Variants in ZNF160 observed in about 807,000 individuals in gnomAD.
ZNF160 encodes zinc finger protein 160.
A neutral mutation model predicts 13.1 loss-of-function variants in ZNF160; 9 were observed. The ratio of observed to expected loss-of-function variants is 0.69; its 90% CI spans 0.41 to 1.20. The LOEUF (loss-of-function observed/expected upper bound fraction) is 1.20, where lower values mean the gene tolerates loss of function less well. ZNF160 is among the 50% of genes most tolerant of loss of function. The probability of loss-of-function intolerance (pLI) is 0.01; values close to 1 mark genes in which losing one functional copy is unlikely to be tolerated. For missense variants in ZNF160, 838 were observed against 988.0 expected (o/e 0.85, Z 2.04); for synonymous variants, 293 against 333.2 (o/e 0.88, Z 1.31).
chr19:53,083,570 T>C (rs1600861182), intron 3 of ZNF160, among the ~76,000 whole-genome samples: 1 of 152,176 alleles, frequency 6.6e-6, no homozygotes, highest in Admixed American at 6.5e-5. Context: ...AGTAGAATAA[T>C]GTGTAATCGA....
intron 2 of ZNF160, among the ~76,000 whole-genome samples, chr19:53,088,055 TG>T (rs1322474225): frequency 6.6e-6 from 1 of 151,642 alleles, no homozygotes; most frequent in East Asian, 1.9e-4. Flanking sequence ...CAAGAAGAGG[TG>T]TAAGGACTGA....
chr19:53,088,265 C>A (rs999962819), intron 2 of ZNF160, among the ~76,000 whole-genome samples: 1 of 152,134 alleles, frequency 6.6e-6, no homozygotes, highest in African/African-American at 2.4e-5. Flanking sequence ...GAGGACAGGA[C>A]ATGAATTACG....
chr19:53,078,913 TAAGTG>T (rs1426143297), intron 3 of ZNF160, among the ~76,000 whole-genome samples: 1 of 151,644 alleles, frequency 6.6e-6, no homozygotes, highest in Admixed American at 6.6e-5. Context: ...CAATTCCAAA[TAAGTG>T]AAGAAGAGGA....
chr19:53,094,013 T>C (rs1184434538), intron 1 of ZNF160, among the ~76,000 whole-genome samples: 1 of 152,170 alleles, frequency 6.6e-6, no homozygotes, highest in Non-Finnish European at 1.5e-5. Context: ...GTGATGCACA[T>C]GCTCCAATGA....
chr19:53,073,243 G>A, intron 5 of ZNF160: 2 of 1,471,710 alleles, frequency 1.4e-6, no homozygotes, highest in South Asian at 2.8e-5. Context: ...CTGTGCTGAA[G>A]CCTGGAAAAA....
At chr19:53,085,962 C>G in intron 3 of ZNF160, 1 of 1,232,432 alleles carries the variant, frequency 8.1e-7, no homozygotes, top group South Asian at 1.3e-5. Context: ...CCAGATGCGG[C>G]CCCTGAGCAA....
intron 2 of ZNF160, among the ~76,000 whole-genome samples, chr19:53,090,044 G>C (rs1308385623): frequency 1.4e-5 from 2 of 142,250 alleles, no homozygotes; most frequent in Admixed American, 7.2e-5. Context: ...CTCCCCCTCT[G>C]CTCCCCCTAT....
In ZNF160 at chr19:53,069,586, A is replaced by G. The variant is rs1212389621; in HGVS notation, c.948T>C (p.His316=). Residue 316 remains histidine, a synonymous_variant, in exon 6 of 6, where the codon CAT becomes CAC. Coordinates refer to ENST00000683776, the MANE Select transcript of ZNF160 (RefSeq NM_001322131.2). This position sits in a 1 kb window ranked among gnomAD's most constrained non-coding sequence, Gnocchi z 4.4. ...TGTGCCTGAAGACCTTGCCACACTC[A>G]TGACATTTGTAAGGTTTTTCTCCAG... ...IHTGEKPYKC[H]ECGKVFRHNS... is the part of the protein sequence containing the mutation. 1.9e-6 allele frequency: 3 copies of G among 1,614,186 alleles called. No individual in the cohort carries two copies. Among genetic ancestry groups the G allele is most frequent in the East Asian group, 2.2e-5 (1 of 44,888 alleles).
In ZNF160 at chr19:53,068,575, C is replaced by T. The variant is rs763336749; in HGVS notation, c.1959G>A (p.Glu653=). The T allele has an allele frequency of 1.9e-6, 3 of 1,614,172 alleles. No homozygotes were observed. The highest frequency in any genetic ancestry group is 1.1e-5 in the South Asian group (1 of 91,088). The part of the protein sequence containing the change: ...HTGEKPYKCN[E]CGKAFSMHSN... ...AATGCATACTAAAGGCTTTCCCACA[C>T]TCATTACACTTGTAAGGTTTCTCTC... Residue 653 remains glutamate (E), a synonymous_variant, in exon 6 of 6, where the codon GAG becomes GAA. Transcript: ENST00000683776.
intron 3 of ZNF160, among the ~76,000 whole-genome samples, chr19:53,083,558 A>C (rs990313657): frequency 4.6e-5 from 7 of 152,234 alleles, no homozygotes; most frequent in African/African-American, 1.7e-4. Flanking sequence ...GATTATTTTT[A>C]CAGTAGAATA....
intron 3 of ZNF160, chr19:53,075,577 T>C: frequency 8.5e-6 from 3 of 354,176 alleles, no homozygotes; most frequent in Non-Finnish European, 1.7e-5. Context: ...ATGCCAATAA[T>C]GGAAGCAAGG....
chr19:53,088,947 C>G (rs1460127076), intron 2 of ZNF160, among the ~76,000 whole-genome samples: 1 of 152,230 alleles, frequency 6.6e-6, no homozygotes, highest in African/African-American at 2.4e-5. Flanking sequence ...GGTCAATGTG[C>G]TTCCCTAACA....
chr19:53,078,350 C>T (rs572454130), intron 3 of ZNF160, among the ~76,000 whole-genome samples: 1 of 152,154 alleles, frequency 6.6e-6, no homozygotes, highest in South Asian at 2.1e-4. Flanking sequence ...GTTGAAGGTA[C>T]AGTAAGCTAT....
chr19:53,092,335 G>C (rs553502677), intron 1 of ZNF160, among the ~76,000 whole-genome samples: 2 of 151,884 alleles, frequency 1.3e-5, no homozygotes, highest in South Asian at 2.1e-4. Context: ...TTTTGAGACA[G>C]AGTCTCCCTC....
At chr19:53,078,941 C>A (rs1049812973) in intron 3 of ZNF160, among the ~76,000 whole-genome samples, 11 of 152,136 alleles carry the variant, frequency 7.2e-5, no homozygotes, top group African/African-American at 2.6e-4. Flanking sequence ...CAACAAAAAA[C>A]AATTGTATGA....
chr19:53,072,045 A>C (rs371039352), intron 5 of ZNF160, among the ~76,000 whole-genome samples: 4 of 152,152 alleles, frequency 2.6e-5, no homozygotes, highest in African/African-American at 7.2e-5. Context: ...CTATATCCAC[A>C]CAGAGCAGAT....
chr19:53,069,538 C>A lies in ZNF160; in HGVS notation c.996G>T (p.Arg332=), dbSNP rs147444883. The A allele has an allele frequency of 1.7e-3, 2,729 of 1,614,066 alleles. 7 individuals carry two copies. The highest frequency in any genetic ancestry group is 2.2e-3 in the Non-Finnish European group (2,538 of 1,180,024). ...FRHNSYLATH[R]RIHTGEKPYK... ...AAGGTTTCTCTCCAGTATGAATTCG[C>A]CGATGAGTTGCAAGGTATGAATTGT... The change falls in exon 6 of 6, where the codon CGG becomes CGT. Residue 332 remains arginine, a synonymous_variant. Coordinates refer to ENST00000683776, the MANE Select transcript of ZNF160 (RefSeq NM_001322131.2). This position sits in a 1 kb window ranked among gnomAD's most constrained non-coding sequence, Gnocchi z 4.4.
At chr19:53,086,576 C>T (rs1326538186) in intron 2 of ZNF160, among the ~76,000 whole-genome samples, 1 of 152,112 alleles carries the variant, frequency 6.6e-6, no homozygotes, top group Non-Finnish European at 1.5e-5. Context: ...CACACTGCAG[C>T]AGTGGGGAGC....
At chr19:53,089,659 T>G (rs1420231302) in intron 2 of ZNF160, among the ~76,000 whole-genome samples, 2 of 152,164 alleles carry the variant, frequency 1.3e-5, no homozygotes, top group Non-Finnish European at 2.9e-5. Context: ...ATATTTAAAA[T>G]CTGTTAGATT....
Sources: gnomAD v4.1 joint callset for allele counts (sites outside exome capture counted in the v4.1 genomes callset) on GRCh38, gnomAD v4.1.1 for gene constraint, Gnocchi (gnomAD v3.1) non-coding constraint, MANE v1.5 for transcripts, NCBI Gene and HGNC (gene_info 2026-07-23, HGNC 2026-07-21) for gene names.